Variants in PACRG observed in about 807,000 individuals in gnomAD.
PACRG encodes parkin coregulated.
A neutral mutation model predicts 29.7 loss-of-function variants in PACRG; 29 were observed. That is an observed-to-expected ratio of 0.98 (90% CI 0.73 to 1.33). The LOEUF (loss-of-function observed/expected upper bound fraction) is 1.33. Ranked by LOEUF, PACRG falls within the 40% of genes most tolerant of loss-of-function variation. The probability of loss-of-function intolerance (pLI) is 0.00; values close to 1 mark genes in which losing one functional copy is unlikely to be tolerated. For missense variants in PACRG, 279 were observed against 316.2 expected (o/e 0.88, Z 0.89); for synonymous variants, 116 against 118.7 (o/e 0.98, Z 0.15).
chr6:162,781,746 G>A (rs9356060), intron 1 of PACRG, among the ~76,000 whole-genome samples: 97,499 of 151,248 alleles, frequency 0.64, 31,865 homozygotes, highest in South Asian at 0.81. Context: ...TAAGTGAACC[G>A]CGAAAATAAC....
chr6:163,095,289 C>T (rs1814469968), intron 4 of PACRG: 1 of 985,324 alleles, frequency 1.0e-6, no homozygotes, highest in South Asian at 4.7e-5. Flanking sequence ...GGAGTGGGGT[C>T]AGTCACAAAC....
chr6:162,748,695 C>G (rs976453659), intron 1 of PACRG, among the ~76,000 whole-genome samples: 3 of 152,074 alleles, frequency 2.0e-5, no homozygotes, highest in African/African-American at 7.2e-5. Flanking sequence ...AATCCCTGAC[C>G]GCAGCCTACT....
chr6:162,932,461 G>A (rs1373344323), intron 2 of PACRG, among the ~76,000 whole-genome samples: 1 of 151,918 alleles, frequency 6.6e-6, no homozygotes, highest in African/African-American at 2.4e-5. Context: ...AGTATAATTG[G>A]TTTTAGTTCT....
At chr6:162,911,901 A>T (rs1796329092) in intron 2 of PACRG, among the ~76,000 whole-genome samples, 1 of 152,140 alleles carries the variant, frequency 6.6e-6, no homozygotes, top group South Asian at 2.1e-4. Flanking sequence ...TTCAGAAGAG[A>T]AGTAACCTAT....
intron 4 of PACRG, among the ~76,000 whole-genome samples, chr6:163,269,762 G>GAGAGAGACAGACAGAC (rs796202675): frequency 7.8e-5 from 4 of 51,254 alleles, no homozygotes; most frequent in African/African-American, 2.8e-4. Context: ...GAGAGAGAGA[G>GAGAGAGACAGACAGAC]AGACAGACAG....
At position 162,869,311 on chromosome 6, in the gene PACRG, C is replaced by T. The variant is rs534925557; in HGVS notation, c.291+55030C>T. On this transcript the variant is annotated intron_variant, in intron 2 of 4. Coordinates refer to ENST00000366888, the MANE Select transcript of PACRG (RefSeq NM_001080379.2). ...TTCTGAGATTATCCCAGTAGAATAC[C>T]TTGTCTGCAAAAGGCTGAAATTTAT... Among the ~76,000 whole-genome samples the T allele has an allele frequency of 2.5e-4, 38 of 152,156 alleles. 1 individual carries two copies. The South Asian group carries it at 5.2e-3, about 21-fold the overall frequency.
intron 1 of PACRG, among the ~76,000 whole-genome samples, chr6:162,753,328 T>C (rs1453351990): frequency 6.6e-6 from 1 of 151,972 alleles, no homozygotes; most frequent in African/African-American, 2.4e-5. Flanking sequence ...TTTGTTATAG[T>C]CTACATAAAC....
chr6:162,896,408 AT>A (rs1387624763), intron 2 of PACRG, among the ~76,000 whole-genome samples: 1 of 152,188 alleles, frequency 6.6e-6, no homozygotes, highest in East Asian at 1.9e-4. Flanking sequence ...AGGAGTTATT[AT>A]GTGAAGGTCC....
At chr6:162,810,207 T>C (rs547595243) in intron 1 of PACRG, among the ~76,000 whole-genome samples, 2 of 152,154 alleles carry the variant, frequency 1.3e-5, no homozygotes, top group Non-Finnish European at 2.9e-5. Flanking sequence ...CACCCAGTAT[T>C]AATGAAGCAT....
chr6:163,053,866 C>T (rs1394734352), intron 2 of PACRG: 1 of 152,144 alleles, frequency 6.6e-6, no homozygotes, highest in African/African-American at 2.4e-5. Context: ...AGGAAGTTAA[C>T]ACAGGGCAGA....
At chr6:163,282,982 T>TTATCATTTA (rs1395687907) in intron 4 of PACRG, among the ~76,000 whole-genome samples, 2 of 152,362 alleles carry the variant, frequency 1.3e-5, no homozygotes, top group African/African-American at 4.8e-5. Flanking sequence ...TATCATTTTA[T>TTATCATTTA]TAAAAAAAGA....
At chr6:163,175,261 G>C (rs775437591) in intron 4 of PACRG, among the ~76,000 whole-genome samples, 8 of 152,282 alleles carry the variant, frequency 5.3e-5, no homozygotes, top group Non-Finnish European at 1.2e-4. Context: ...TAACTTTAAA[G>C]CTTGGGGAAC....
intron 2 of PACRG, among the ~76,000 whole-genome samples, chr6:162,904,214 T>C (rs1562717437): frequency 6.6e-6 from 1 of 152,230 alleles, no homozygotes; most frequent in South Asian, 2.1e-4. Flanking sequence ...TTTTAAGTGT[T>C]AATGACATCT....
chr6:162,913,414 G>A (rs1796452850), intron 2 of PACRG, among the ~76,000 whole-genome samples: 1 of 152,152 alleles, frequency 6.6e-6, no homozygotes, highest in Non-Finnish European at 1.5e-5. Flanking sequence ...TTGCTGAGTA[G>A]TGTTTTATTG....
chr6:163,039,130 C>T (rs754956573), intron 2 of PACRG, among the ~76,000 whole-genome samples: 28 of 152,088 alleles, frequency 1.8e-4, no homozygotes, highest in Non-Finnish European at 2.8e-4. Context: ...GGAGTTCTCA[C>T]GAGATTTGAT....
intron 4 of PACRG, among the ~76,000 whole-genome samples, chr6:163,130,950 G>C (rs1019979093): frequency 1.3e-5 from 2 of 152,162 alleles, no homozygotes; most frequent in African/African-American, 4.8e-5. Flanking sequence ...AATTAGTTAA[G>C]ATAAGGTCCT....
At chr6:162,819,109 C>T (rs71567675) in intron 2 of PACRG, among the ~76,000 whole-genome samples, 27,695 of 152,030 alleles carry the variant, frequency 0.18, 2,703 homozygotes, top group East Asian at 0.31. Flanking sequence ...TTCTTTGACA[C>T]GTAAATGATA....
intron 4 of PACRG, among the ~76,000 whole-genome samples, chr6:163,307,690 G>T (rs1785239808): frequency 6.6e-6 from 1 of 152,156 alleles, no homozygotes; most frequent in Non-Finnish European, 1.5e-5. Flanking sequence ...CACACATTAT[G>T]GTTAAGGGGG....
chr6:163,174,203 A>T (rs924365993), intron 4 of PACRG, among the ~76,000 whole-genome samples: 2 of 152,184 alleles, frequency 1.3e-5, no homozygotes, highest in African/African-American at 4.8e-5. Context: ...AAATACATTA[A>T]TGATAGCTGA....
Sources: allele counts gnomAD v4.1 joint callset (sites outside exome capture counted in the v4.1 genomes callset), GRCh38; gene constraint gnomAD v4.1.1; transcripts MANE v1.5; gene names NCBI Gene and HGNC (gene_info 2026-07-23, HGNC 2026-07-21).